The following VIRMA variants were observed in gnomAD, a reference collection of about 807,000 sequenced individuals.
VIRMA encodes vir like m6A methyltransferase associated, also known as protein virilizer homolog.
A neutral mutation model predicts 182.4 loss-of-function variants in VIRMA; 65 were observed. That is an observed-to-expected ratio of 0.36 (90% CI 0.29 to 0.44). The LOEUF (loss-of-function observed/expected upper bound fraction) is 0.44, where lower values mean the gene tolerates loss of function less well. Among genes scored for constraint, VIRMA ranks in the 20% least tolerant of loss-of-function variants. VIRMA has a pLI of 1.00. For missense variants in VIRMA, 1,752 were observed against 2,158.1 expected (o/e 0.81, Z 3.73); for synonymous variants, 709 against 743.1 (o/e 0.95, Z 0.75).
intron 21 of VIRMA, 79 bp from the exon 22 acceptor site, chr8:94,491,988 A>G (rs1391450471): frequency 2.6e-6 from 3 of 1,146,820 alleles, no homozygotes; most frequent in Non-Finnish European, 3.6e-6. Context: ...ACCCAAAATT[A>G]TATTTCAGTT....
At chr8:94,551,159 A>G (rs948274567) in intron 1 of VIRMA, among the ~76,000 whole-genome samples, 2 of 152,184 alleles carry the variant, frequency 1.3e-5, no homozygotes, top group Non-Finnish European at 2.9e-5. Context: ...CTCCTTTCCT[A>G]ACTACAACTG....
Position 94,509,695 on chromosome 8 carries a change from C to T in VIRMA, c.3872G>A (p.Cys1291Tyr). ...EYVTSILQSLCDQDIALILPS... is the reference protein window; with the variant it reads ...EYVTSILQSLYDQDIALILPS... ...TAAAATAACTATAAATACCTGATCA[C>T]AGAGAGACTGCAAAATGGATGTGAC... The change falls in exon 15 of 24, where the codon TGT becomes TAT. Residue 1291 changes from cysteine to tyrosine, a missense_variant. By Grantham distance (194) the Cys-to-Tyr change is radical. Coordinates refer to ENST00000297591, the MANE Select transcript of VIRMA (RefSeq NM_015496.5). 6.2e-7 allele frequency: 1 copy of T among 1,612,694 alleles called. No individual in the cohort carries two copies. The highest frequency in any genetic ancestry group is 8.5e-7 in the Non-Finnish European group (1 of 1,179,520).
intron 5 of VIRMA, among the ~76,000 whole-genome samples, chr8:94,532,324 C>T (rs916103017): frequency 4.6e-5 from 7 of 152,200 alleles, no homozygotes; most frequent in African/African-American, 1.7e-4. Flanking sequence ...CCAGGCTGGT[C>T]TCAAACTCCT....
Position 94,490,005 on chromosome 8 carries a change from T to C in VIRMA, c.5218A>G (p.Ser1740Gly). Residue 1740 changes from serine to glycine, a missense_variant, in exon 23 of 24, where the codon AGT becomes GGT. Ser to Gly is a moderately conservative substitution (Grantham distance 56, BLOSUM62 0). Around this residue, in one of 11 missense-constraint regions of VIRMA, gnomAD observed 132 missense variants for 173.8 expected, o/e 0.76. Transcript: ENST00000297591. ...TTAAAATTGCTCTGGCCTCCACGACTTTCATTGTAATTTCCTCGAGGAGTA... is the reference window on the plus strand; with the variant it reads ...TTAAAATTGCTCTGGCCTCCACGACCTTCATTGTAATTTCCTCGAGGAGTA... ...QNTPRGNYNE[S>G]RGGQSNFNRG... 6.2e-7 allele frequency: 1 copy of C among 1,614,204 alleles called. No homozygotes were observed. The highest frequency in any genetic ancestry group is 8.5e-7 in the Non-Finnish European group (1 of 1,180,026).
chr8:94,502,044 A>G (rs1264476598), intron 16 of VIRMA, among the ~76,000 whole-genome samples: 1 of 152,054 alleles, frequency 6.6e-6, no homozygotes, highest in African/African-American at 2.4e-5. Flanking sequence ...GTCCCCCACT[A>G]TTATCGTGTT....
intron 21 of VIRMA, among the ~76,000 whole-genome samples, chr8:94,492,180 T>G (rs116245268): frequency 6.6e-6 from 1 of 152,152 alleles, no homozygotes; most frequent in Admixed American, 6.5e-5. Context: ...ACAAATGTAC[T>G]GGGTATATCC....
At chr8:94,548,771 T>A (rs991454040) in intron 1 of VIRMA, among the ~76,000 whole-genome samples, 5 of 152,166 alleles carry the variant, frequency 3.3e-5, no homozygotes, top group Admixed American at 3.3e-4. Flanking sequence ...TTCTCCTACC[T>A]CAGCCTCCTG....
intron 1 of VIRMA, among the ~76,000 whole-genome samples, chr8:94,551,354 T>G (rs1433740747): frequency 6.6e-6 from 1 of 152,242 alleles, no homozygotes; most frequent in Non-Finnish European, 1.5e-5. Flanking sequence ...TAAACTAAGA[T>G]GATAAACCCC....
chr8:94,511,813 T>C, intron 12 of VIRMA, 84 bp from the exon 13 acceptor site: 1 of 771,506 alleles, frequency 1.3e-6, no homozygotes, highest in Non-Finnish European at 1.8e-6. Flanking sequence ...GAATATTTAA[T>C]ATTTATGATA....
At chr8:94,537,373 C>T (rs1398620587) in intron 3 of VIRMA, among the ~76,000 whole-genome samples, 5 of 151,992 alleles carry the variant, frequency 3.3e-5, no homozygotes, top group Admixed American at 3.3e-4. Flanking sequence ...GTATGGACAT[C>T]AATAAATTTT....
At chr8:94,517,114 A>G (rs1272654694) in intron 10 of VIRMA, among the ~76,000 whole-genome samples, 1 of 152,268 alleles carries the variant, frequency 6.6e-6, no homozygotes, top group Non-Finnish European at 1.5e-5. Context: ...GTGTTACTCC[A>G]CAACTAGATT....
intron 16 of VIRMA, among the ~76,000 whole-genome samples, chr8:94,504,239 A>G (rs553786738): frequency 6.6e-6 from 1 of 151,878 alleles, no homozygotes; most frequent in African/African-American, 2.4e-5. Context: ...AAACCTGACA[A>G]TGGCCCGTAT....
intron 1 of VIRMA, among the ~76,000 whole-genome samples, chr8:94,551,851 A>G (rs143463711): frequency 8.2e-4 from 125 of 152,190 alleles, no homozygotes; most frequent in African/African-American, 2.6e-3. Context: ...CAGCCTCCCG[A>G]GTAGCTGGGG....
At chr8:94,534,494 A>G (rs1412609223) in intron 5 of VIRMA, 4 of 272,124 alleles carry the variant, frequency 1.5e-5, no homozygotes, top group African/African-American at 6.8e-5. Context: ...ACAGATAGCT[A>G]TCTTGTCAAG....
rs767283579 is a variant in VIRMA, at chr8:94,491,564, T to C, written c.5140+14A>G. 12 of 1,592,214 alleles carry C rather than the reference T, an allele frequency of 7.5e-6. No homozygotes were observed. The highest frequency in any genetic ancestry group is 3.4e-5 in the Admixed American group (2 of 59,320). On this transcript the variant is annotated intron_variant, in intron 22 of 23. Transcript: ENST00000297591. Reference sequence around the variant, plus strand: ...ATATTCTAACCCATTAGAAAATACATACTAATTAGTTACCTTTTGAAGCAG... The same window carrying C: ...ATATTCTAACCCATTAGAAAATACACACTAATTAGTTACCTTTTGAAGCAG...
At chr8:94,541,311 G>A (rs941320940) in intron 2 of VIRMA, among the ~76,000 whole-genome samples, 2 of 151,720 alleles carry the variant, frequency 1.3e-5, no homozygotes, top group Non-Finnish European at 2.9e-5. Flanking sequence ...TTGTAGAGAT[G>A]AGGTCTCCAA....
In VIRMA at chr8:94,506,583, C is replaced by G. The variant is rs1303914559; in HGVS notation, c.4014G>C (p.Glu1338Asp). The change falls in exon 16 of 24, where the codon GAG becomes GAC. Residue 1338 changes from glutamate to aspartate, a missense_variant. Transcript: ENST00000297591. The part of the protein sequence containing the change: ...DCLLATLANS[E>D]SSYNCLLTCV... ...ATGTCAGTAAACAGTTGTAACTGCT[C>G]TCAGAGTTAGCTAGCGTAGCCAACA... is the stretch of plus-strand genomic sequence containing the variant. The G allele has an allele frequency of 6.2e-7, 1 of 1,613,762 alleles. No individual in the cohort carries two copies. Among genetic ancestry groups the G allele is most frequent in the Non-Finnish European group, 8.5e-7 (1 of 1,179,758 alleles).
Position 94,526,612 on chromosome 8 carries a change from C to T in VIRMA, c.1632G>A (p.Val544=). 1 of 1,614,186 alleles carries T rather than the reference C, an allele frequency of 6.2e-7. No individual in the cohort carries two copies. The highest frequency in any genetic ancestry group is 8.5e-7 in the Non-Finnish European group (1 of 1,180,036). ...LLELILLDQT[V]RVVTAGSAIL... is the part of the protein sequence containing the mutation. ...TAGCTGAACCAGCAGTAACAACCCT[C>T]ACAGTCTGATCTAAAAGTATGAGTT... Residue 544 remains valine, a synonymous_variant, in exon 8 of 24, where the codon GTG becomes GTA. Coordinates refer to ENST00000297591, the MANE Select transcript of VIRMA (RefSeq NM_015496.5).
chr8:94,513,209 G>C (rs1045757740), intron 11 of VIRMA, among the ~76,000 whole-genome samples: 1 of 151,996 alleles, frequency 6.6e-6, no homozygotes, highest in Non-Finnish European at 1.5e-5. Context: ...GTGGTAGCAC[G>C]TGCCTGTAAT....
Sources: allele counts gnomAD v4.1 joint callset (sites outside exome capture counted in the v4.1 genomes callset), GRCh38; gene constraint gnomAD v4.1.1; regional missense constraint gnomAD v4.1.1; transcripts MANE v1.5; gene names NCBI Gene and HGNC (gene_info 2026-07-23, HGNC 2026-07-21).